IQCE: variants seen among roughly 807,000 people sequenced by gnomAD.
IQCE encodes IQ motif containing E.
A neutral mutation model predicts 96.0 loss-of-function variants in IQCE; 115 were observed. That is an observed-to-expected ratio of 1.20 (90% confidence interval 1.03 to 1.40). The LOEUF (loss-of-function observed/expected upper bound fraction) is 1.40. IQCE is among the 40% of genes most tolerant of loss of function. IQCE has a pLI of 0.00. For missense variants in IQCE, 1,041 were observed against 909.1 expected (o/e 1.15, Z -1.87); for synonymous variants, 412 against 371.2 (o/e 1.11, Z -1.26).
intron 15 of IQCE, among the ~76,000 whole-genome samples, 182 bp downstream of exon 15, chr7:2,593,308 G>A (rs541245978): frequency 2.5e-4 from 38 of 152,364 alleles, no homozygotes; most frequent in African/African-American, 7.9e-4. Flanking sequence ...TGCTGAGCAG[G>A]GCCTGCCCTC....
Position 2,567,175 on chromosome 7 carries a change from T to A in IQCE, c.84+12T>A. On this transcript the variant is annotated intron_variant, in intron 2 of 21. Coordinates refer to ENST00000402050, the MANE Select transcript of IQCE (RefSeq NM_152558.5). ...CTGATGTGGAGACGGTGAGTGCCGC[T>A]GGGTGTCAGCCGTGCGACCTCGGGC... is the stretch of plus-strand genomic sequence containing the variant. The A allele has an allele frequency of 6.2e-7, 1 of 1,612,376 alleles. No individual in the cohort carries two copies. Among genetic ancestry groups the A allele is most frequent in the Non-Finnish European group, 8.5e-7 (1 of 1,178,870 alleles).
intron 13 of IQCE, among the ~76,000 whole-genome samples, chr7:2,588,287 G>A (rs887647651): frequency 2.6e-5 from 4 of 152,192 alleles, no homozygotes; most frequent in Admixed American, 6.5e-5. Context: ...CATCCCCTAT[G>A]CGACTGCAAA....
At chr7:2,565,711 T>A (rs1328233262) in intron 1 of IQCE, among the ~76,000 whole-genome samples, 2 of 152,226 alleles carry the variant, frequency 1.3e-5, no homozygotes, top group African/African-American at 4.8e-5. Flanking sequence ...ATAATTTCAA[T>A]ACACTTTGCT....
intron 4 of IQCE, 126 bp from the exon 5 acceptor site, chr7:2,572,066 C>G (rs930235237): frequency 3.0e-6 from 3 of 1,010,222 alleles, no homozygotes; most frequent in Non-Finnish European, 4.4e-6. Context: ...TTTACCAGCA[C>G]GACACTGACG....
chr7:2,560,466 G>A (rs1780862798), intron 1 of IQCE, among the ~76,000 whole-genome samples: 1 of 152,164 alleles, frequency 6.6e-6, no homozygotes, highest in South Asian at 2.1e-4. Context: ...CGCAGTAGGG[G>A]CTTGGTGCTG....
chr7:2,564,402 C>G lies in IQCE; in HGVS notation c.37-2714C>G, dbSNP rs540612289. On this transcript the variant is annotated intron_variant, in intron 1 of 21. Coordinates refer to ENST00000402050, the MANE Select transcript of IQCE (RefSeq NM_152558.5). ...CTGAGGTCAGGAGTTTGAGACCAGC[C>G]TGGCCAACATAGTGAATATAACCCC... 2.0e-5 allele frequency among the ~76,000 whole-genome samples: 3 copies of G among 152,182 alleles called. No homozygotes were observed. In the South Asian group the frequency reaches 6.2e-4, roughly 32 times the overall value.
chr7:2,606,690 C>T (rs1784856203), intron 20 of IQCE, among the ~76,000 whole-genome samples: 1 of 152,162 alleles, frequency 6.6e-6, no homozygotes, highest in South Asian at 2.1e-4. Context: ...ATCTCATGGT[C>T]CTGACCCCAT....
intron 8 of IQCE, among the ~76,000 whole-genome samples, chr7:2,579,745 G>T (rs530785804): frequency 1.3e-5 from 2 of 148,282 alleles, no homozygotes; most frequent in African/African-American, 2.5e-5. Flanking sequence ...GTGTCTGTGG[G>T]TATTTTTTTT....
intron 6 of IQCE, among the ~76,000 whole-genome samples, chr7:2,576,135 C>T (rs1412146517): frequency 6.6e-6 from 1 of 152,176 alleles, no homozygotes; most frequent in Admixed American, 6.5e-5. Context: ...AGTGCCGAGC[C>T]GCCCCCGCGG....
At chr7:2,597,755 C>T (rs879868183) in intron 16 of IQCE, among the ~76,000 whole-genome samples, 20 of 152,166 alleles carry the variant, frequency 1.3e-4, no homozygotes, top group Non-Finnish European at 2.6e-4. Flanking sequence ...GCAGCTTTGA[C>T]CCCTGGGCTC....
intron 17 of IQCE, among the ~76,000 whole-genome samples, chr7:2,600,424 A>G (rs1784356572): frequency 6.6e-6 from 1 of 152,218 alleles, no homozygotes; most frequent in African/African-American, 2.4e-5. Flanking sequence ...CCGGCAGTCT[A>G]CAGGGGAGAG....
chr7:2,588,823 G>A (rs929174713), intron 13 of IQCE, among the ~76,000 whole-genome samples: 1 of 151,412 alleles, frequency 6.6e-6, no homozygotes, highest in Non-Finnish European at 1.5e-5. Context: ...CCACCACCAC[G>A]CCCAGCTAAT....
chr7:2,570,845 T>G (rs1323901495), intron 3 of IQCE, among the ~76,000 whole-genome samples: 1 of 152,208 alleles, frequency 6.6e-6, no homozygotes, highest in Non-Finnish European at 1.5e-5. Flanking sequence ...TTCTAAATAT[T>G]GCTCTGTCAC....
At chr7:2,585,859 T>A (rs1415757700) in intron 11 of IQCE, among the ~76,000 whole-genome samples, 5 of 152,202 alleles carry the variant, frequency 3.3e-5, no homozygotes, top group Non-Finnish European at 5.9e-5. Context: ...TTACACCTCC[T>A]GGGCTAAGAG....
At chr7:2,606,981 T>C (rs1784879620) in intron 20 of IQCE, 143 bp from the exon 21 acceptor site, 5 of 709,482 alleles carry the variant, frequency 7.0e-6, no homozygotes, top group Middle Eastern at 3.3e-4. Flanking sequence ...GGTACAGCGC[T>C]GGTCGTGGGG....
chr7:2,579,893 A>T (rs898955669), intron 8 of IQCE, among the ~76,000 whole-genome samples: 2 of 152,008 alleles, frequency 1.3e-5, no homozygotes, highest in African/African-American at 4.8e-5. Context: ...CCGGGACTAC[A>T]GGCACGTGCC....
At chr7:2,561,917 A>G (rs1214599611) in intron 1 of IQCE, among the ~76,000 whole-genome samples, 1 of 152,162 alleles carries the variant, frequency 6.6e-6, no homozygotes, top group African/African-American at 2.4e-5. Context: ...TGTCCTGGCA[A>G]AAGACTCAAG....
intron 18 of IQCE, among the ~76,000 whole-genome samples, chr7:2,603,363 G>T (rs544070477): frequency 1.3e-5 from 2 of 152,196 alleles, no homozygotes; most frequent in Admixed American, 6.5e-5. Context: ...CTAGACTGGC[G>T]CCTGGCATGT....
At chr7:2,605,724 A>T in intron 19 of IQCE, 152 bp from the exon 20 acceptor site, 1 of 618,638 alleles carries the variant, frequency 1.6e-6, no homozygotes, top group Non-Finnish European at 2.4e-6. Context: ...GAGGCTGTTC[A>T]CTGACCAGCA....
Sources: gnomAD v4.1 joint callset for allele counts (sites outside exome capture counted in the v4.1 genomes callset) on GRCh38, gnomAD v4.1.1 for gene constraint, MANE v1.5 for transcripts, NCBI Gene and HGNC (gene_info 2026-07-23, HGNC 2026-07-21) for gene names.